NEDD4L: variants seen among roughly 807,000 people sequenced by gnomAD.
NEDD4L encodes the protein E3 ubiquitin-protein ligase NEDD4-like.
In NEDD4L, 54 loss-of-function variants were observed where a neutral mutation model predicts 148.9. The ratio of observed to expected loss-of-function variants is 0.36; its 90% CI spans 0.29 to 0.45. The LOEUF (loss-of-function observed/expected upper bound fraction) is 0.45. NEDD4L is among the 20% of genes least tolerant of loss of function. The probability of loss-of-function intolerance (pLI) is 1.00; values close to 1 mark genes in which losing one functional copy is unlikely to be tolerated. For synonymous variants in NEDD4L, 433 were observed against 440.7 expected, an observed-to-expected ratio of 0.98 and a Z score of 0.22; for missense variants, 856 against 1,233.8, an observed-to-expected ratio of 0.69 and a Z score of 4.59.
chr18:58,108,724 T>A (rs1160910362), intron 1 of NEDD4L, among the ~76,000 whole-genome samples: 1 of 152,216 alleles, frequency 6.6e-6, no homozygotes, highest in Non-Finnish European at 1.5e-5. Context: ...CCCAGCCTAC[T>A]GTTATTATTT....
intron 6 of NEDD4L, among the ~76,000 whole-genome samples, chr18:58,319,541 T>C (rs176756): frequency 6.6e-6 from 1 of 152,334 alleles, no homozygotes; most frequent in African/African-American, 2.4e-5. Flanking sequence ...GGGGGCAGCA[T>C]TGTGGCTATT....
intron 2 of NEDD4L, among the ~76,000 whole-genome samples, chr18:58,233,957 T>C (rs2148189640): frequency 6.6e-6 from 1 of 152,088 alleles, no homozygotes; most frequent in Admixed American, 6.5e-5. Flanking sequence ...TGCCTGTGCC[T>C]GTTTGTTTCT....
chr18:58,149,262 G>A (rs1599113941), intron 1 of NEDD4L: 4 of 550,662 alleles, frequency 7.3e-6, no homozygotes, highest in Non-Finnish European at 1.1e-5. Flanking sequence ...CCTGGGAGAG[G>A]CTGGACCTTG....
chr18:58,104,892 C>A lies in NEDD4L; in HGVS notation c.48+60184C>A, dbSNP rs182173523. Among the ~76,000 whole-genome samples the A allele has an allele frequency of 3.5e-3, 524 of 150,956 alleles. 3 individuals are homozygous for A. Among genetic ancestry groups the A allele is most frequent in the African/African-American group, 0.012 (493 of 41,044 alleles). On this transcript the variant is annotated intron_variant, in intron 1 of 30. Coordinates refer to ENST00000400345, the MANE Select transcript of NEDD4L (RefSeq NM_001144967.3). ...TCCACCCCCCAAACACATCCCATAC[C>A]CATTACAGCACGTTGTTGCAGGGAG...
At chr18:58,388,292 A>G (rs991611210) in intron 27 of NEDD4L, 3 of 152,220 alleles carry the variant, frequency 2.0e-5, no homozygotes, top group African/African-American at 4.8e-5. Context: ...TTTTATCTCA[A>G]AACAGAAAGT....
At chr18:58,203,949 G>A (rs1224976686) in intron 2 of NEDD4L, among the ~76,000 whole-genome samples, 1 of 152,200 alleles carries the variant, frequency 6.6e-6, no homozygotes, top group Non-Finnish European at 1.5e-5. Flanking sequence ...TCCAACTGCT[G>A]TGAAAAAGCC....
chr18:58,122,785 G>A (rs1338747376), intron 1 of NEDD4L, among the ~76,000 whole-genome samples: 1 of 151,848 alleles, frequency 6.6e-6, no homozygotes, highest in African/African-American at 2.4e-5. Context: ...GCCCAGACTG[G>A]AGTGCAATGG....
intron 2 of NEDD4L, among the ~76,000 whole-genome samples, chr18:58,203,498 C>T (rs192790773): frequency 1.1e-3 from 170 of 152,136 alleles, no homozygotes; most frequent in Non-Finnish European, 1.9e-3. Flanking sequence ...TGTCTAGATT[C>T]AGTGATGAGA....
intron 1 of NEDD4L, among the ~76,000 whole-genome samples, chr18:58,114,361 T>TACAC (rs140008479): frequency 0.071 from 10,763 of 150,850 alleles, 460 homozygotes; most frequent in African/African-American, 0.11. Flanking sequence ...TATATATATA[T>TACAC]ACACACACAC....
intron 29 of NEDD4L, among the ~76,000 whole-genome samples, 181 bp downstream of exon 29, chr18:58,390,923 A>G (rs1442151066): frequency 6.6e-6 from 1 of 152,054 alleles, no homozygotes; most frequent in Non-Finnish European, 1.5e-5. Context: ...TATAGATAAC[A>G]TGGTGCTTCT....
intron 1 of NEDD4L, among the ~76,000 whole-genome samples, chr18:58,066,278 A>G (rs12955136): frequency 0.12 from 18,948 of 152,002 alleles, 1,144 homozygotes; most frequent in African/African-American, 0.15. Flanking sequence ...TTCTAGGCAC[A>G]AGGAAATTAA....
chr18:58,165,828 T>C lies in NEDD4L; in HGVS notation c.89T>C (p.Ile30Thr), dbSNP rs1196933522. The change falls in exon 2 of 31, where the codon ATT becomes ACT. Residue 30 changes from isoleucine (I) to threonine (T), a missense_variant. Ile to Thr is a moderately conservative substitution (Grantham distance 89). Coordinates refer to ENST00000400345, the MANE Select transcript of NEDD4L (RefSeq NM_001144967.3). ...CTCAGAGTAAAAGTTGTTTCTGGAA[T>C]TGATCTCGCCAAAAAGGACATCTTT... ...RILRVKVVSG[I>T]DLAKKDIFGA... The C allele has an allele frequency of 1.2e-6, 2 of 1,611,216 alleles. No individual in the cohort carries two copies. Among genetic ancestry groups the C allele is most frequent in the East Asian group, 4.5e-5 (2 of 44,866 alleles).
chr18:58,343,091 GACT>G lies in NEDD4L; in HGVS notation c.1566_1568del (p.Thr524del). 6.2e-7 allele frequency: 1 copy of G among 1,605,084 alleles called. No homozygotes were observed. The highest frequency in any genetic ancestry group is 8.5e-7 in the Non-Finnish European group (1 of 1,175,142). Reference sequence around the variant, plus strand: ...CCTTCTTCATTGATCATAACACAAAGACTACAACCTGGGTAAGGCTGCTGCTTT... The same window carrying G: ...CCTTCTTCATTGATCATAACACAAAGACAACCTGGGTAAGGCTGCTGCTTT... On this transcript the variant is annotated inframe_deletion, in exon 16 of 31. Transcript: ENST00000400345.
rs1568950112 is a variant in NEDD4L at position 58,391,529 on chromosome 18, G to A, written c.2795G>A (p.Ser932Asn). The A allele has an allele frequency of 6.3e-7, 1 of 1,582,184 alleles. No individual in the cohort carries two copies. Among genetic ancestry groups the A allele is most frequent in the Non-Finnish European group, 8.6e-7 (1 of 1,162,982 alleles). ...CTGTTTACAATAGAGCAATGGGGCA[G>A]TCCTGAGAAACTGCCCAGAGCTCAC... ...PQLFTIEQWG[S>N]PEKLPRAHTC... is the part of the protein sequence containing the mutation. Residue 932 changes from serine to asparagine, a missense_variant, in exon 30 of 31, where the codon AGT becomes AAT. Coordinates refer to ENST00000400345, the MANE Select transcript of NEDD4L (RefSeq NM_001144967.3).
chr18:58,148,007 G>C (rs2034276796), intron 1 of NEDD4L, among the ~76,000 whole-genome samples: 1 of 151,926 alleles, frequency 6.6e-6, no homozygotes, highest in African/African-American at 2.4e-5. Flanking sequence ...GTGCCCAGGG[G>C]AAGGACACAG....
At chr18:58,139,369 G>A (rs1464884387) in intron 1 of NEDD4L, among the ~76,000 whole-genome samples, 3 of 149,218 alleles carry the variant, frequency 2.0e-5, no homozygotes, top group South Asian at 2.1e-4. Context: ...TTTGGGAGAC[G>A]TAATACTTAA....
At chr18:58,312,362 G>T (rs917886124) in intron 5 of NEDD4L, among the ~76,000 whole-genome samples, 1 of 152,224 alleles carries the variant, frequency 6.6e-6, no homozygotes, top group Admixed American at 6.5e-5. Context: ...GTAGGCTATT[G>T]TAGTTAACTT....
chr18:58,050,343 A>T (rs2144476616), intron 1 of NEDD4L, among the ~76,000 whole-genome samples: 1 of 151,980 alleles, frequency 6.6e-6, no homozygotes, highest in Non-Finnish European at 1.5e-5. Flanking sequence ...GGTGGTGGAC[A>T]CCTGTAATCC....
chr18:58,215,939 T>C (rs2043117430), intron 2 of NEDD4L, among the ~76,000 whole-genome samples: 1 of 152,302 alleles, frequency 6.6e-6, no homozygotes, highest in East Asian at 1.9e-4. Context: ...GTTTTTCATT[T>C]AAGAGAGAAA....
Sources: gnomAD v4.1 joint callset for allele counts (sites outside exome capture counted in the v4.1 genomes callset) on GRCh38, gnomAD v4.1.1 for gene constraint, MANE v1.5 for transcripts, NCBI Gene and HGNC (gene_info 2026-07-23, HGNC 2026-07-21) for gene names.